The following USP54 variants were observed in gnomAD, a reference collection of about 807,000 sequenced individuals.
USP54 encodes ubiquitin specific peptidase 54.
In USP54, 87 loss-of-function variants were observed where a neutral mutation model predicts 170.5. The observed-to-expected ratio is 0.51, with a 90% CI of 0.43 to 0.61. USP54 has a LOEUF of 0.61. Ranked by LOEUF, USP54 falls within the 20% of genes least tolerant of loss-of-function variation. USP54 has a pLI of 0.00. For synonymous variants in USP54, 655 were observed against 742.8 expected (o/e 0.88, Z 1.92); for missense variants, 1,786 against 2,047.8 (o/e 0.87, Z 2.47).
At chr10:73,589,501 T>A (rs1217663251) in intron 1 of USP54, among the ~76,000 whole-genome samples, 1 of 152,212 alleles carries the variant, frequency 6.6e-6, no homozygotes, top group Admixed American at 6.5e-5. Context: ...AACCTTCTGA[T>A]TTAATCATTT....
intron 4 of USP54, among the ~76,000 whole-genome samples, chr10:73,549,224 CA>C (rs2068649098): frequency 6.6e-6 from 1 of 152,196 alleles, no homozygotes; most frequent in Admixed American, 6.5e-5. Context: ...TAAAGTCACT[CA>C]CATTCTTAGT....
intron 3 of USP54, among the ~76,000 whole-genome samples, chr10:73,573,321 A>G (rs1444086429): frequency 6.6e-6 from 1 of 152,126 alleles, no homozygotes; most frequent in African/African-American, 2.4e-5. Context: ...TAAAGAAAGA[A>G]AACTAATATG....
chr10:73,521,036 G>A lies in USP54; in HGVS notation c.2363-9C>T, dbSNP rs771483304. 1.9e-6 allele frequency: 3 copies of A among 1,613,234 alleles called. No individual in the cohort carries two copies. The African/African-American group carries it at 4.0e-5, about 22-fold the overall frequency. On this transcript the variant is annotated splice_polypyrimidine_tract_variant and intron_variant, in intron 17 of 23. Coordinates refer to ENST00000687698, the MANE Select transcript of USP54 (RefSeq NM_001391956.1). ...AAAGCCGTCACTCCTCCCTGAAAGG[G>A]CCAGCACTTTTCATTTTCATTACAA...
intron 15 of USP54, 194 bp downstream of exon 15, chr10:73,529,486 G>C (rs78581136): frequency 0.086 from 57,635 of 669,522 alleles, 4,026 homozygotes; most frequent in East Asian, 0.28. Context: ...ATTTCAAATA[G>C]AAAGTTCTCT....
intron 4 of USP54, among the ~76,000 whole-genome samples, chr10:73,565,095 A>G (rs1017521465): frequency 6.6e-5 from 10 of 151,920 alleles, no homozygotes; most frequent in African/African-American, 2.4e-4. Context: ...AATACTCAAT[A>G]TGATTGTAGC....
intron 20 of USP54, among the ~76,000 whole-genome samples, chr10:73,508,432 G>GAGGT (rs2059589764): frequency 6.6e-6 from 1 of 151,190 alleles, no homozygotes; most frequent in African/African-American, 2.4e-5. Context: ...AATTTAAGCA[G>GAGGT]AGGTAGAGGT....
At position 73,517,294 on chromosome 10, in the gene USP54, G is replaced by A. The variant is rs759432365; in HGVS notation, c.3132C>T (p.Thr1044=). 8 of 1,613,262 alleles carry A rather than the reference G, an allele frequency of 5.0e-6. No individual in the cohort carries two copies. The highest frequency in any genetic ancestry group is 2.2e-5 in the East Asian group (1 of 44,880). Residue 1044 remains threonine (T), a synonymous_variant, in exon 20 of 24, where the codon ACC becomes ACT. Transcript: ENST00000687698. ...GGCTGTGTTCATCACCCCTCTCAGAGGTGGCTATTCCAGGCATCACCGGGG... is the reference window on the plus strand; with the variant it reads ...GGCTGTGTTCATCACCCCTCTCAGAAGTGGCTATTCCAGGCATCACCGGGG... ...NPSPVMPGIA[T]SERGDEHSLG... is the part of the protein sequence containing the mutation.
intron 1 of USP54, among the ~76,000 whole-genome samples, chr10:73,607,666 A>G (rs1273900992): frequency 6.6e-6 from 1 of 151,812 alleles, no homozygotes; most frequent in Non-Finnish European, 1.5e-5. Flanking sequence ...CCCTGTATCT[A>G]CTAAAAACGC....
chr10:73,549,126 C>G (rs889037220), intron 4 of USP54, among the ~76,000 whole-genome samples: 2 of 152,176 alleles, frequency 1.3e-5, no homozygotes, highest in East Asian at 1.9e-4. Flanking sequence ...TTCTTCCTAC[C>G]TCAGTGGTCA....
At chr10:73,531,491 C>T (rs895301439) in intron 12 of USP54, among the ~76,000 whole-genome samples, 2 of 152,146 alleles carry the variant, frequency 1.3e-5, no homozygotes, top group Admixed American at 1.3e-4. Context: ...CTTTCACTCT[C>T]ATAAATTGAA....
intron 4 of USP54, among the ~76,000 whole-genome samples, chr10:73,557,449 T>G (rs1425316248): frequency 6.6e-6 from 1 of 151,736 alleles, no homozygotes; most frequent in East Asian, 1.9e-4. Context: ...GCCTCCCAAG[T>G]AGCTGGGACT....
chr10:73,624,182 A>T (rs1564974782), intron 1 of USP54, among the ~76,000 whole-genome samples: 20 of 110,064 alleles, frequency 1.8e-4, no homozygotes, highest in East Asian at 1.8e-3. Flanking sequence ...ATATATATAT[A>T]TATATATATA....
chr10:73,586,808 TA>T (rs1234124232), intron 1 of USP54, among the ~76,000 whole-genome samples: 1 of 152,222 alleles, frequency 6.6e-6, no homozygotes, highest in African/African-American at 2.4e-5. Context: ...ATGAGCTGGT[TA>T]TCTTAAACTC....
chr10:73,587,130 A>C (rs1174354377), intron 1 of USP54, among the ~76,000 whole-genome samples: 2 of 152,140 alleles, frequency 1.3e-5, no homozygotes, highest in Non-Finnish European at 2.9e-5. Context: ...TAATTTACTG[A>C]CTTCTAAAGG....
At chr10:73,547,582 A>G (rs1421166224) in intron 4 of USP54, among the ~76,000 whole-genome samples, 1 of 152,216 alleles carries the variant, frequency 6.6e-6, no homozygotes, top group African/African-American at 2.4e-5. Context: ...AATGCCACAC[A>G]TCTACAACAA....
chr10:73,538,621 C>A (rs1302451413), intron 10 of USP54, among the ~76,000 whole-genome samples: 2 of 151,982 alleles, frequency 1.3e-5, no homozygotes, highest in African/African-American at 4.8e-5. Flanking sequence ...TCCAGACCAG[C>A]CTGGGTAACA....
At chr10:73,609,882 C>T (rs1427441548) in intron 1 of USP54, among the ~76,000 whole-genome samples, 18 of 149,524 alleles carry the variant, frequency 1.2e-4, no homozygotes, top group South Asian at 4.2e-4. Flanking sequence ...TGGTGGCGTG[C>T]GCCTGTAATC....
chr10:73,594,134 G>A (rs963944979), upstream of USP54, among the ~76,000 whole-genome samples: 1 of 151,364 alleles, frequency 6.6e-6, no homozygotes, highest in Non-Finnish European at 1.5e-5. Context: ...GCAGTGACAC[G>A]ATCTCGGTTC....
chr10:73,522,399 C>G (rs1296503923), intron 17 of USP54, among the ~76,000 whole-genome samples: 1 of 152,178 alleles, frequency 6.6e-6, no homozygotes, highest in Non-Finnish European at 1.5e-5. Flanking sequence ...AATTCTTATC[C>G]TTCAGAATCT....
Sources: allele counts gnomAD v4.1 joint callset (sites outside exome capture counted in the v4.1 genomes callset), GRCh38; gene constraint gnomAD v4.1.1; transcripts MANE v1.5; gene names NCBI Gene and HGNC (gene_info 2026-07-23, HGNC 2026-07-21).